Variants in HTT observed in about 807,000 individuals in gnomAD.
The protein encoded by HTT is huntingtin, also known as huntington disease protein.
Under a neutral mutation model 362.3 loss-of-function variants are expected in HTT, and 104 were observed. The ratio of observed to expected loss-of-function variants is 0.29; its 90% CI spans 0.24 to 0.34. The LOEUF (loss-of-function observed/expected upper bound fraction) is 0.34, where lower values mean the gene tolerates loss of function less well. HTT is among the 10% of genes least tolerant of loss of function. The probability of loss-of-function intolerance (pLI) is 1.00; values close to 1 mark genes in which losing one functional copy is unlikely to be tolerated. For missense variants in HTT, 3,301 were observed against 3,928.6 expected, an observed-to-expected ratio of 0.84 and a Z score of 4.27; for synonymous variants, 1,577 against 1,548.7, an observed-to-expected ratio of 1.02 and a Z score of -0.43.
chr4:3,078,783 G>A (rs557384154), intron 1 of HTT, among the ~76,000 whole-genome samples: 1 of 151,292 alleles, frequency 6.6e-6, no homozygotes, highest in Non-Finnish European at 1.5e-5. Flanking sequence ...CGCCCAGGCT[G>A]GAGTGCAGTG....
Position 3,121,326 on chromosome 4 carries a change from C to G in HTT, c.1167C>G (p.Pro389=). ...LLQQLFRTPP[P]ELLQTLTAVG... ...AGCAGCTCTTCAGAACGCCTCCACCCGAGCTTCTGCAAACCCTGACCGCAG... is the reference window on the plus strand; with the variant it reads ...AGCAGCTCTTCAGAACGCCTCCACCGGAGCTTCTGCAAACCCTGACCGCAG... The change falls in exon 9 of 67, where the codon CCC becomes CCG. Residue 389 remains proline (P), a synonymous_variant. Coordinates refer to ENST00000355072, the MANE Select transcript of HTT (RefSeq NM_001388492.1). 1 of 1,614,058 alleles carries G rather than the reference C, an allele frequency of 6.2e-7. No individual in the cohort carries two copies. The highest frequency in any genetic ancestry group is 8.5e-7 in the Non-Finnish European group (1 of 1,179,938).
chr4:3,075,934 T>G (rs1712524764), intron 1 of HTT, among the ~76,000 whole-genome samples: 1 of 152,106 alleles, frequency 6.6e-6, no homozygotes, highest in Non-Finnish European at 1.5e-5. Flanking sequence ...GATTGAAGTT[T>G]TTTGCCTATG....
chr4:3,226,447 G>C (rs148972854), intron 57 of HTT, among the ~76,000 whole-genome samples: 63 of 152,206 alleles, frequency 4.1e-4, no homozygotes, highest in African/African-American at 1.3e-3. Context: ...CTCCAGCCTG[G>C]GCAACAGACC....
Position 3,074,857 on chromosome 4 carries a change from T to C in HTT, c.32T>C (p.Phe11Ser). 1 of 1,487,176 alleles carries C rather than the reference T, an allele frequency of 6.7e-7. No homozygotes were observed. Among genetic ancestry groups the C allele is most frequent in the Non-Finnish European group, 9.0e-7 (1 of 1,117,306 alleles). 92.1% of individuals were successfully genotyped at this position (1,487,176 alleles called of 1,614,324 possible). The change falls in exon 1 of 67, where the codon TTC becomes TCC. Residue 11 changes from phenylalanine to serine, a missense_variant. Coordinates refer to ENST00000355072, the MANE Select transcript of HTT (RefSeq NM_001388492.1). MATLEKLMKA[F>S]ESLKSFQQQQ... ...ACCCTGGAAAAGCTGATGAAGGCCTTCGAGTCCCTCAAGTCCTTCCAGCAG... is the reference window on the plus strand; with the variant it reads ...ACCCTGGAAAAGCTGATGAAGGCCTCCGAGTCCCTCAAGTCCTTCCAGCAG...
At chr4:3,088,144 T>C (rs999135363) in intron 2 of HTT, among the ~76,000 whole-genome samples, 4 of 142,240 alleles carry the variant, frequency 2.8e-5, no homozygotes. Flanking sequence ...GTGATTCATT[T>C]GTTTTTTCAA....
intron 29 of HTT, 54 bp downstream of exon 29, chr4:3,160,446 C>G: frequency 4.2e-6 from 5 of 1,194,770 alleles, no homozygotes; most frequent in Non-Finnish European, 6.1e-6. Context: ...TGATGTGCGT[C>G]TTCTGGGCTG....
In HTT at chr4:3,074,684, G is replaced by T. The variant is rs1414387897; in HGVS notation, c.-142G>T. 1.2e-6 allele frequency: 1 copy of T among 830,336 alleles called. No homozygotes were observed. Among genetic ancestry groups the T allele is most frequent in the Non-Finnish European group, 1.7e-6 (1 of 602,552 alleles). 51.4% of individuals were successfully genotyped at this position (830,336 alleles called of 1,614,324 possible). A position where few individuals can be genotyped will look rare whatever the true frequency, so the allele number is the denominator to read the frequency against. ...TGGGACGCAAGGCGCCGTGGGGGCT[G>T]CCGGGACGGGTCCAAGATGGACGGC... On this transcript the variant is annotated 5_prime_UTR_variant, in exon 1 of 67. Transcript: ENST00000355072.
chr4:3,078,002 T>C (rs531806765), intron 1 of HTT, among the ~76,000 whole-genome samples: 2 of 152,298 alleles, frequency 1.3e-5, no homozygotes, highest in African/African-American at 4.8e-5. Flanking sequence ...CTCTTGCTCT[T>C]TGGTGTGGAA....
intron 38 of HTT, 115 bp from the exon 39 acceptor site, chr4:3,187,536 G>A: frequency 2.7e-6 from 2 of 729,386 alleles, no homozygotes; most frequent in Middle Eastern, 2.6e-4. Context: ...TGATAGAGAG[G>A]TTTATTGGTA....
chr4:3,115,586 T>TCACA, intron 7 of HTT, 141 bp downstream of exon 7: 1 of 679,018 alleles, frequency 1.5e-6, no homozygotes, highest in Non-Finnish European at 2.5e-6. Context: ...GCACTGGGGC[T>TCACA]GCTGTGAGCC....
rs945453962 is a variant in HTT, at chr4:3,145,213, T to C, written c.3128T>C (p.Leu1043Ser). ...STAFPVCIWS[L>S]GWHCGVPPLS... ...GCCTTCCCAGTTTGCATTTGGAGTT[T>C]AGGTTGGCACTGTGGGTATGTATTT... The change falls in exon 24 of 67, where the codon TTA becomes TCA. Residue 1043 changes from leucine to serine, a missense_variant. By Grantham distance (145) the Leu-to-Ser change is moderately radical. This residue lies in a region of HTT where 2,316 missense variants were observed against 2,658.5 expected (regional missense o/e 0.87). Coordinates refer to ENST00000355072, the MANE Select transcript of HTT (RefSeq NM_001388492.1). The C allele has an allele frequency of 7.4e-6, 12 of 1,612,172 alleles. 1 individual carries two copies. In the Admixed American group the frequency reaches 1.7e-4, roughly 22 times the overall value.
Position 3,173,704 on chromosome 4 carries a change from T to C in HTT, c.4166+573T>C, listed in dbSNP as rs193245314. Among the ~76,000 whole-genome samples the C allele has an allele frequency of 1.3e-3, 195 of 151,842 alleles. 1 individual carries two copies. Among genetic ancestry groups the C allele is most frequent in the African/African-American group, 4.4e-3 (184 of 41,376 alleles). On this transcript the variant is annotated intron_variant, in intron 31 of 66. Coordinates refer to ENST00000355072, the MANE Select transcript of HTT (RefSeq NM_001388492.1). ...TTTTTTTTGAGACGGAGTCTTGCTCTGTCGCCCAGGCTGGAGTGCAGTGGT... is the reference window on the plus strand; with the variant it reads ...TTTTTTTTGAGACGGAGTCTTGCTCCGTCGCCCAGGCTGGAGTGCAGTGGT...
At chr4:3,208,663 C>A in intron 45 of HTT, 110 bp from the exon 46 acceptor site, 1 of 1,001,890 alleles carries the variant, frequency 1.0e-6, no homozygotes, top group South Asian at 1.9e-5. Flanking sequence ...ACTAATAGTG[C>A]ATCTCCTTAG....
At chr4:3,081,924 A>G (rs759130921) in intron 1 of HTT, among the ~76,000 whole-genome samples, 9 of 151,866 alleles carry the variant, frequency 5.9e-5, no homozygotes, top group Non-Finnish European at 1.3e-4. Flanking sequence ...TATAAAAGTT[A>G]CACATATACA....
intron 22 of HTT, 122 bp downstream of exon 22, chr4:3,140,778 G>C (rs1455552778): frequency 1.2e-6 from 1 of 858,020 alleles, no homozygotes; most frequent in East Asian, 2.6e-5. Flanking sequence ...GGATGTTTGA[G>C]TGTAGGTCAG....
rs1165307464 is a variant in HTT, at chr4:3,135,939, T to C, written c.2669T>C (p.Leu890Ser). 3.1e-6 allele frequency: 5 copies of C among 1,604,316 alleles called. No individual in the cohort carries two copies. Among genetic ancestry groups the C allele is most frequent in the Non-Finnish European group, 3.4e-6 (4 of 1,177,050 alleles). Residue 890 changes from leucine to serine, a missense_variant, in exon 20 of 67, where the codon TTA becomes TCA. Leu to Ser is a moderately radical substitution (Grantham distance 145, BLOSUM62 -2). Coordinates refer to ENST00000355072, the MANE Select transcript of HTT (RefSeq NM_001388492.1). ...TTTTTGGAGGCAAAAGCAGAAAACT[T>C]ACACAGAGGGGCTCATCATTATACA... ...VSFLEAKAEN[L>S]HRGAHHYTGL... is the part of the protein sequence containing the mutation.
intron 26 of HTT, 69 bp downstream of exon 26, chr4:3,148,276 T>C: frequency 1.8e-6 from 2 of 1,132,638 alleles, no homozygotes; most frequent in South Asian, 3.3e-5. Flanking sequence ...TACCTTTGTT[T>C]AGTAATCTGT....
intron 37 of HTT, 24 bp from the exon 38 acceptor site, chr4:3,186,573 T>C: frequency 6.4e-7 from 1 of 1,572,728 alleles, no homozygotes; most frequent in Non-Finnish European, 8.7e-7. Context: ...TACGTAGAAA[T>C]GTTTGTGGTG....
intron 1 of HTT, among the ~76,000 whole-genome samples, chr4:3,079,642 T>C (rs1363006747): frequency 6.6e-6 from 1 of 152,214 alleles, no homozygotes; most frequent in Non-Finnish European, 1.5e-5. Flanking sequence ...CAATACTACT[T>C]GCCTTGTAGA....
Sources: gnomAD v4.1 joint callset for allele counts (sites outside exome capture counted in the v4.1 genomes callset) on GRCh38, gnomAD v4.1.1 for gene constraint, gnomAD v4.1.1 regional missense constraint, MANE v1.5 for transcripts, NCBI Gene and HGNC (gene_info 2026-07-23, HGNC 2026-07-21) for gene names.